PAH: variants seen among roughly 807,000 people sequenced by gnomAD.
PAH encodes phenylalanine-4-hydroxylase.
Under a neutral mutation model 62.0 loss-of-function variants are expected in PAH, and 64 were observed. The observed-to-expected ratio is 1.03, with a 90% CI of 0.84 to 1.27. The LOEUF (loss-of-function observed/expected upper bound fraction) is 1.27, where lower values mean the gene tolerates loss of function less well. Among genes scored for constraint, PAH ranks in the 50% most tolerant of loss-of-function variants. PAH has a pLI of 0.00. For missense variants in PAH, 579 were observed against 542.8 expected (o/e 1.07, Z -0.66); for synonymous variants, 195 against 196.2 (o/e 0.99, Z 0.05).
chr12:102,891,094 A>G (rs1877258418), intron 3 of PAH, among the ~76,000 whole-genome samples: 1 of 152,170 alleles, frequency 6.6e-6, no homozygotes, highest in South Asian at 2.1e-4. Flanking sequence ...AAAAAAAGGA[A>G]AACATTAGCT....
intron 1 of PAH, among the ~76,000 whole-genome samples, chr12:102,941,279 C>T (rs1261823460): frequency 1.3e-5 from 2 of 152,034 alleles, no homozygotes; most frequent in African/African-American, 4.8e-5. Context: ...GCTAATAACA[C>T]AATAATAGGA....
chr12:102,840,014 G>A (rs1007527645), intron 12 of PAH, among the ~76,000 whole-genome samples: 2 of 152,184 alleles, frequency 1.3e-5, no homozygotes, highest in African/African-American at 2.4e-5. Context: ...TGAAGGAAGA[G>A]TGGAAGGCCA....
upstream of PAH, among the ~76,000 whole-genome samples, chr12:102,952,757 G>GT (rs990500637): frequency 9.2e-5 from 14 of 152,094 alleles, no homozygotes; most frequent in Admixed American, 5.2e-4. Flanking sequence ...TTTTTGTTTT[G>GT]TTTTTTCAAA....
At chr12:102,871,445 GTTCT>G (rs1056116936) in intron 4 of PAH, among the ~76,000 whole-genome samples, 25 of 152,136 alleles carry the variant, frequency 1.6e-4, no homozygotes, top group Non-Finnish European at 1.2e-4. Context: ...GTCACTATCT[GTTCT>G]TTCTGTCTTC....
chr12:102,877,365 G>T, intron 4 of PAH, 97 bp downstream of exon 4: 1 of 926,568 alleles, frequency 1.1e-6, no homozygotes, highest in Non-Finnish European at 1.8e-6. Context: ...TTGAACAAGT[G>T]AACAAGTACA....
At chr12:102,843,420 G>A (rs1375459706) in intron 11 of PAH, among the ~76,000 whole-genome samples, 1 of 152,106 alleles carries the variant, frequency 6.6e-6, no homozygotes, top group Admixed American at 6.5e-5. Context: ...CTTGGTGGTT[G>A]CGTTGAACAG....
At chr12:102,955,104 C>G (rs1879873951), upstream of PAH, among the ~76,000 whole-genome samples, 1 of 152,230 alleles carries the variant, frequency 6.6e-6, no homozygotes, top group South Asian at 2.1e-4. Context: ...TTCCTCCTGG[C>G]CTGAGGCCAA....
chr12:102,868,663 TAA>T (rs35520828), intron 4 of PAH, among the ~76,000 whole-genome samples: 4,561 of 149,672 alleles, frequency 0.03, 216 homozygotes, highest in African/African-American at 0.1. Context: ...ATGATGTGGT[TAA>T]AAAAAAAAAA....
At chr12:102,884,146 C>A (rs889982485) in intron 3 of PAH, among the ~76,000 whole-genome samples, 2 of 152,212 alleles carry the variant, frequency 1.3e-5, no homozygotes, top group Non-Finnish European at 2.9e-5. Context: ...TGGGTGCAGC[C>A]TATTTGTCTT....
intron 5 of PAH, among the ~76,000 whole-genome samples, 161 bp downstream of exon 5, chr12:102,866,435 A>C (rs1875963381): frequency 6.6e-6 from 1 of 151,996 alleles, no homozygotes; most frequent in Non-Finnish European, 1.5e-5. Flanking sequence ...GTTTAAACAC[A>C]CCCCCACACA....
intron 1 of PAH, among the ~76,000 whole-genome samples, chr12:102,943,599 G>A (rs1213015937): frequency 6.6e-6 from 1 of 152,054 alleles, no homozygotes; most frequent in African/African-American, 2.4e-5. Flanking sequence ...CTACCATAAA[G>A]ATACCCACGT....
chr12:102,844,541 GTGTCTA>G (rs72529310), intron 9 of PAH, 110 bp from the exon 10 acceptor site: 205,092 of 753,830 alleles, frequency 0.27, 34,785 homozygotes, highest in East Asian at 0.76. Flanking sequence ...ATTTTGGGGT[GTGTCTA>G]TGTCTATGAG....
chr12:102,847,715 C>T (rs1265327462), intron 8 of PAH, among the ~76,000 whole-genome samples: 1 of 152,030 alleles, frequency 6.6e-6, no homozygotes, highest in Non-Finnish European at 1.5e-5. Flanking sequence ...ACTAAGAGCT[C>T]CAGGGGATTC....
chr12:102,915,001 G>A (rs1409878670), intron 1 of PAH, among the ~76,000 whole-genome samples: 6 of 152,082 alleles, frequency 3.9e-5, no homozygotes, highest in African/African-American at 1.4e-4. Flanking sequence ...TCCCTCAAAC[G>A]CTCCATCCCC....
intron 3 of PAH, among the ~76,000 whole-genome samples, chr12:102,888,261 C>A (rs1485814989): frequency 6.6e-6 from 1 of 152,056 alleles, no homozygotes; most frequent in Non-Finnish European, 1.5e-5. Context: ...AGAGGGAAAG[C>A]AACTTGGCCG....
chr12:102,935,813 G>A (rs1275140580), intron 1 of PAH, among the ~76,000 whole-genome samples: 36 of 151,562 alleles, frequency 2.4e-4, no homozygotes, highest in Non-Finnish European at 7.4e-5. Flanking sequence ...AAGGTTTGCT[G>A]ATTTTGTTTA....
At chr12:102,929,775 T>A (rs1878795671) in intron 1 of PAH, among the ~76,000 whole-genome samples, 2 of 152,016 alleles carry the variant, frequency 1.3e-5, no homozygotes, top group Non-Finnish European at 2.9e-5. Flanking sequence ...TGAGAAAAAT[T>A]TAGAAATTTT....
At chr12:102,846,494 C>T (rs1565843537) in intron 9 of PAH, among the ~76,000 whole-genome samples, 2 of 152,198 alleles carry the variant, frequency 1.3e-5, no homozygotes, top group Admixed American at 1.3e-4. Flanking sequence ...AGCCCACCCC[C>T]ATTTCTCCCT....
chr12:102,940,485 A>G (rs1034509932), intron 1 of PAH, among the ~76,000 whole-genome samples: 1 of 152,230 alleles, frequency 6.6e-6, no homozygotes, highest in Admixed American at 6.5e-5. Flanking sequence ...GAAAGAACCA[A>G]ACTGATCTAA....
Sources: gnomAD v4.1 joint callset for allele counts (sites outside exome capture counted in the v4.1 genomes callset) on GRCh38, gnomAD v4.1.1 for gene constraint, MANE v1.5 for transcripts, NCBI Gene and HGNC (gene_info 2026-07-23, HGNC 2026-07-21) for gene names.